GNA14: variants seen among roughly 807,000 people sequenced by gnomAD.
The protein encoded by GNA14 is G protein subunit alpha 14.
GNA14 carries 50 observed loss-of-function variants against 42.0 expected under a neutral mutation model. That is an observed-to-expected ratio of 1.19 (90% confidence interval 0.95 to 1.51). The LOEUF is 1.51. GNA14 is among the 40% of genes most tolerant of loss of function. The pLI, the probability that GNA14 is intolerant of heterozygous loss-of-function variation, is 0.00. For synonymous variants in GNA14, 173 were observed against 163.1 expected, an observed-to-expected ratio of 1.06 and a Z score of -0.46; for missense variants, 473 against 446.2, an observed-to-expected ratio of 1.06 and a Z score of -0.54.
intron 2 of GNA14, among the ~76,000 whole-genome samples, chr9:77,465,146 G>A (rs1416715731): frequency 6.6e-6 from 1 of 152,210 alleles, no homozygotes; most frequent in Non-Finnish European, 1.5e-5. Context: ...TTGTGGTACT[G>A]TGTGATAGCA....
At chr9:77,464,377 G>GTGTGTGTGTGTGTA (rs1836181708) in intron 2 of GNA14, among the ~76,000 whole-genome samples, 1 of 150,414 alleles carries the variant, frequency 6.6e-6, no homozygotes, top group Admixed American at 6.6e-5. Context: ...GTGTGTGTGT[G>GTGTGTGTGTGTGTA]TGTGTGTGTG....
chr9:77,533,952 C>T (rs570779495), intron 1 of GNA14, among the ~76,000 whole-genome samples: 1 of 152,344 alleles, frequency 6.6e-6, no homozygotes, highest in South Asian at 2.1e-4. Context: ...TTCCACTCAA[C>T]TAGCATTTCC....
At chr9:77,491,587 G>A (rs891135032) in intron 2 of GNA14, among the ~76,000 whole-genome samples, 2 of 152,134 alleles carry the variant, frequency 1.3e-5, no homozygotes, top group African/African-American at 4.8e-5. Flanking sequence ...TAATGATAAA[G>A]GGGTCAATTT....
chr9:77,455,711 C>T (rs905010025), intron 2 of GNA14, among the ~76,000 whole-genome samples: 1 of 152,154 alleles, frequency 6.6e-6, no homozygotes, highest in Non-Finnish European at 1.5e-5. Flanking sequence ...GAACCAAGAC[C>T]CCTTATGCTT....
rs139189814 is a variant in GNA14 at position 77,579,934 on chromosome 9, A to C, written c.125-50681T>G. Reference sequence around the variant, plus strand: ...CACACTTGAATCTAGTCATTTATTCATTCAAAATCTATTAAGAACCTATTA... The same window carrying C: ...CACACTTGAATCTAGTCATTTATTCCTTCAAAATCTATTAAGAACCTATTA... On this transcript the variant is annotated intron_variant, in intron 1 of 6. Coordinates refer to ENST00000341700, the MANE Select transcript of GNA14 (RefSeq NM_004297.4). Among the ~76,000 whole-genome samples the C allele has an allele frequency of 3.9e-5, 6 of 152,160 alleles. No individual in the cohort carries two copies. In the East Asian group the frequency reaches 7.7e-4, roughly 20 times the overall value.
chr9:77,507,266 C>G (rs993864303), intron 2 of GNA14, among the ~76,000 whole-genome samples: 1 of 152,204 alleles, frequency 6.6e-6, no homozygotes, highest in African/African-American at 2.4e-5. Context: ...GAAAGAATCT[C>G]TTGCTTCAAT....
intron 2 of GNA14, among the ~76,000 whole-genome samples, chr9:77,480,627 C>T (rs1440774119): frequency 1.3e-5 from 2 of 152,152 alleles, no homozygotes; most frequent in Non-Finnish European, 2.9e-5. Context: ...GGAATGGTAC[C>T]AGCTCCTCCT....
chr9:77,601,046 A>G (rs1015869107), intron 1 of GNA14, among the ~76,000 whole-genome samples: 1 of 152,232 alleles, frequency 6.6e-6, no homozygotes, highest in African/African-American at 2.4e-5. Flanking sequence ...AGGTGGAGCT[A>G]CGGGAAGTTC....
At chr9:77,448,202 A>AAC (rs1835853191) in intron 2 of GNA14, among the ~76,000 whole-genome samples, 1 of 152,246 alleles carries the variant, frequency 6.6e-6, no homozygotes, top group Non-Finnish European at 1.5e-5. Context: ...ACCAAGGCTA[A>AAC]ATCACGTACT....
At chr9:77,463,920 A>C (rs1836163627) in intron 2 of GNA14, among the ~76,000 whole-genome samples, 1 of 145,692 alleles carries the variant, frequency 6.9e-6, no homozygotes, top group Non-Finnish European at 1.5e-5. Context: ...TATATCAGCA[A>C]AGAAAAGAAA....
At chr9:77,503,012 G>A (rs62573373) in intron 2 of GNA14, among the ~76,000 whole-genome samples, 26,697 of 152,052 alleles carry the variant, frequency 0.18, 2,602 homozygotes, top group East Asian at 0.36. Flanking sequence ...GAGGCAATAA[G>A]GAAACCCAGG....
At chr9:77,620,255 G>A (rs1823899191) in intron 1 of GNA14, among the ~76,000 whole-genome samples, 1 of 152,170 alleles carries the variant, frequency 6.6e-6, no homozygotes, top group South Asian at 2.1e-4. Context: ...GAGCCTCTGT[G>A]ACTCTGTGAC....
intron 1 of GNA14, among the ~76,000 whole-genome samples, chr9:77,626,944 G>A (rs929854869): frequency 6.6e-6 from 1 of 152,056 alleles, no homozygotes; most frequent in African/African-American, 2.4e-5. Context: ...ATGAACGCAG[G>A]AGCTGGTTTT....
At chr9:77,647,619 G>A (rs2118052544) in intron 1 of GNA14, 51 bp downstream of exon 1, 1 of 1,580,412 alleles carries the variant, frequency 6.3e-7, no homozygotes, top group East Asian at 2.3e-5. Context: ...GGCCGGGAGG[G>A]CTCGGAAGAA....
chr9:77,599,894 A>T, intron 1 of GNA14, among the ~76,000 whole-genome samples: 1 of 151,826 alleles, frequency 6.6e-6, no homozygotes, highest in East Asian at 1.9e-4. Flanking sequence ...GCAAAACAAA[A>T]AATTGTAACT....
intron 2 of GNA14, among the ~76,000 whole-genome samples, chr9:77,469,648 T>A (rs1836295279): frequency 6.6e-6 from 1 of 152,156 alleles, no homozygotes; most frequent in African/African-American, 2.4e-5. Flanking sequence ...GCCCAAGCAT[T>A]TAATCAGGAA....
chr9:77,540,031 T>G lies in GNA14; in HGVS notation c.125-10778A>C, dbSNP rs113417119. Among the ~76,000 whole-genome samples the G allele has an allele frequency of 2.6e-3, 392 of 152,218 alleles. 4 individuals are homozygous for G. Among genetic ancestry groups the G allele is most frequent in the African/African-American group, 9.1e-3 (380 of 41,550 alleles). The stretch of plus-strand genomic sequence containing the variant: ...TATTATTTCTTTCCTTTTACTAATG[T>G]TGGGTTTGGTTTGTTCTTGTATTTT... On this transcript the variant is annotated intron_variant, in intron 1 of 6. Transcript: ENST00000341700.
At chr9:77,488,786 A>C (rs1303592373) in intron 2 of GNA14, among the ~76,000 whole-genome samples, 1 of 26,544 alleles carries the variant, frequency 3.8e-5, no homozygotes, top group Non-Finnish European at 7.9e-5. Context: ...CACCTAATTA[A>C]AAAAAAAAAA....
chr9:77,487,685 A>C (rs1836684301), intron 2 of GNA14, among the ~76,000 whole-genome samples: 1 of 152,206 alleles, frequency 6.6e-6, no homozygotes, highest in Non-Finnish European at 1.5e-5. Context: ...CACCACATTC[A>C]CAGCTGAAAA....
Sources: gnomAD v4.1 joint callset for allele counts (sites outside exome capture counted in the v4.1 genomes callset) on GRCh38, gnomAD v4.1.1 for gene constraint, MANE v1.5 for transcripts, NCBI Gene and HGNC (gene_info 2026-07-23, HGNC 2026-07-21) for gene names.